The following MYPN variants were observed in gnomAD, a reference collection of about 807,000 sequenced individuals.
MYPN encodes myopalladin.
MYPN carries 63 observed loss-of-function variants against 129.4 expected under a neutral mutation model. That is an observed-to-expected ratio of 0.49 (90% CI 0.40 to 0.60). The LOEUF (loss-of-function observed/expected upper bound fraction) is 0.60. Among genes scored for constraint, MYPN ranks in the 20% least tolerant of loss-of-function variants. The pLI, the probability that MYPN is intolerant of heterozygous loss-of-function variation, is 0.00. For synonymous variants in MYPN, 629 were observed against 600.9 expected, an observed-to-expected ratio of 1.05 and a Z score of -0.68; for missense variants, 1,596 against 1,635.4, an observed-to-expected ratio of 0.98 and a Z score of 0.42.
chr10:68,114,170 C>T (rs997008711), intron 1 of MYPN: 19 of 151,926 alleles, frequency 1.3e-4, no homozygotes, highest in African/African-American at 4.6e-4. Flanking sequence ...TGGTCAATGC[C>T]CCAGCTTAAA....
At chr10:68,153,102 C>G (rs935549151) in intron 6 of MYPN, among the ~76,000 whole-genome samples, 1 of 151,290 alleles carries the variant, frequency 6.6e-6, no homozygotes, top group African/African-American at 2.5e-5. Context: ...TCTCATGTCT[C>G]AGCCTCCCAA....
chr10:68,204,619 G>A lies in MYPN; in HGVS notation c.3660-2151G>A, dbSNP rs554807315. Among the ~76,000 whole-genome samples, 146 of 151,550 alleles carry A rather than the reference G, an allele frequency of 9.6e-4. 1 individual carries two copies. Among genetic ancestry groups the A allele is most frequent in the Admixed American group, 2.0e-3 (30 of 15,196 alleles). ...TGTAATCCCAGCTACTTGGGAGGCTGAGGCAGGAGAATCACTTGAACCTGG... is the reference window on the plus strand; with the variant it reads ...TGTAATCCCAGCTACTTGGGAGGCTAAGGCAGGAGAATCACTTGAACCTGG... On this transcript the variant is annotated intron_variant, in intron 18 of 19. Coordinates refer to ENST00000358913, the MANE Select transcript of MYPN (RefSeq NM_032578.4).
intron 2 of MYPN, among the ~76,000 whole-genome samples, chr10:68,138,192 T>C (rs2042517776): frequency 6.6e-6 from 1 of 151,288 alleles, no homozygotes; most frequent in Non-Finnish European, 1.5e-5. Context: ...AACCTCTGCC[T>C]CCTGGGTTCA....
intron 1 of MYPN, among the ~76,000 whole-genome samples, chr10:68,099,653 T>G (rs949958519): frequency 6.0e-5 from 9 of 150,346 alleles, no homozygotes; most frequent in Middle Eastern, 3.5e-3. Context: ...AAAAAAAAAG[T>G]AACTAATAAT....
At chr10:68,132,302 T>A (rs1020283439) in intron 2 of MYPN, among the ~76,000 whole-genome samples, 3 of 152,240 alleles carry the variant, frequency 2.0e-5, no homozygotes, top group Admixed American at 6.5e-5. Context: ...ATTGATTTTA[T>A]AATGTTAAAC....
Position 68,121,911 on chromosome 10 carries a change from T to C in MYPN, c.473T>C (p.Ile158Thr), listed in dbSNP as rs181446671. Residue 158 changes from isoleucine to threonine, a missense_variant, in exon 2 of 20, where the codon ATT becomes ACT. By Grantham distance (89) the Ile-to-Thr change is moderately conservative. Transcript: ENST00000358913. ...KVFLNKAADFIEELSSLFKSH... is the reference protein window; with the variant it reads ...KVFLNKAADFTEELSSLFKSH... ...TTTTTAAATAAGGCTGCCGACTTCA[T>C]TGAAGAGCTATCCTCCCTTTTCAAA... 2 of 1,614,212 alleles carry C rather than the reference T, an allele frequency of 1.2e-6. No homozygotes were observed. Among genetic ancestry groups the C allele is most frequent in the Admixed American group, 1.7e-5 (1 of 60,032 alleles).
intron 4 of MYPN, among the ~76,000 whole-genome samples, chr10:68,147,668 G>A (rs141330856): frequency 2.4e-4 from 36 of 152,208 alleles, no homozygotes; most frequent in African/African-American, 4.6e-4. Flanking sequence ...ACTGGGAGCC[G>A]TTTACCGAGA....
At chr10:68,145,111 G>A (rs977688681) in intron 3 of MYPN, among the ~76,000 whole-genome samples, 4 of 150,894 alleles carry the variant, frequency 2.7e-5, no homozygotes, top group South Asian at 2.1e-4. Context: ...AGCAACCTCC[G>A]CCTCCCGGGT....
intron 11 of MYPN, 135 bp downstream of exon 11, chr10:68,174,791 G>C (rs1331779468): frequency 1.2e-6 from 1 of 810,602 alleles, no homozygotes; most frequent in Admixed American, 2.0e-5. Flanking sequence ...CAGAATGGAT[G>C]TGGAACACTT....
intron 5 of MYPN, among the ~76,000 whole-genome samples, chr10:68,149,546 G>A (rs978152017): frequency 2.0e-5 from 3 of 151,898 alleles, no homozygotes; most frequent in South Asian, 2.1e-4. Flanking sequence ...CCATCCTCCC[G>A]CCTCAGCCTC....
intron 8 of MYPN, 75 bp from the exon 9 acceptor site, chr10:68,165,627 C>A: frequency 9.3e-7 from 1 of 1,073,222 alleles, no homozygotes; most frequent in Non-Finnish European, 1.5e-6. Flanking sequence ...GTAGAATCAT[C>A]ATCTGATACC....
At chr10:68,187,717 A>T (rs201293512) in intron 12 of MYPN, among the ~76,000 whole-genome samples, 1 of 152,200 alleles carries the variant, frequency 6.6e-6, no homozygotes, top group East Asian at 1.9e-4. Context: ...ATCAGCAGAA[A>T]GTATCTGAAG....
At position 68,211,041 on chromosome 10, in the gene MYPN, A is replaced by C. The variant is rs901223465; in HGVS notation, c.*586A>C. 2.2e-6 allele frequency: 1 copy of C among 454,092 alleles called. No individual in the cohort carries two copies. Among genetic ancestry groups the C allele is most frequent in the South Asian group, 1.6e-5 (1 of 64,478 alleles). The allele number at this position is 454,092 out of a possible 1,614,324, so 28.1% of individuals were successfully genotyped here. On this transcript the variant is annotated 3_prime_UTR_variant, in exon 20 of 20. Transcript: ENST00000358913. ...ATATCCTGGGTGTACTGAGCCACAT[A>C]ATAAGGTGTCAAAATGTGCTTGAGA...
intron 2 of MYPN, among the ~76,000 whole-genome samples, chr10:68,133,215 G>A (rs553357347): frequency 2.6e-5 from 4 of 151,848 alleles, no homozygotes; most frequent in Non-Finnish European, 4.4e-5. Context: ...TAGTAGAGAC[G>A]GGTTCTGCCA....
rs576258838 is a variant in MYPN, at chr10:68,141,073, A to C, written c.903-1867A>C. Among the ~76,000 whole-genome samples the C allele has an allele frequency of 1.3e-3, 202 of 150,770 alleles. 4 individuals are homozygous for C. The highest frequency in any genetic ancestry group is 9.1e-3 in the Admixed American group (138 of 15,160). On this transcript the variant is annotated intron_variant, in intron 2 of 19. Coordinates refer to ENST00000358913, the MANE Select transcript of MYPN (RefSeq NM_032578.4). Reference sequence around the variant, plus strand: ...AACAGAGTGAGACCCTTCCTCCACCACCCCCCCAAAAAAAGGGCCAGGCGC... The same window carrying C: ...AACAGAGTGAGACCCTTCCTCCACCCCCCCCCCAAAAAAAGGGCCAGGCGC...
chr10:68,176,412 AC>A (rs1283820437), intron 12 of MYPN, among the ~76,000 whole-genome samples: 1 of 152,238 alleles, frequency 6.6e-6, no homozygotes, highest in East Asian at 1.9e-4. Flanking sequence ...TAAAAATATT[AC>A]AAAATTTCAG....
intron 18 of MYPN, among the ~76,000 whole-genome samples, chr10:68,205,504 C>G (rs988709638): frequency 6.6e-5 from 9 of 135,410 alleles, no homozygotes; most frequent in African/African-American, 1.9e-4. Flanking sequence ...CACAGTGAAA[C>G]CCTATTTCTA....
chr10:68,093,971 A>G (rs912880004), intron 1 of MYPN, among the ~76,000 whole-genome samples: 20 of 151,926 alleles, frequency 1.3e-4, no homozygotes, highest in African/African-American at 4.6e-4. Flanking sequence ...TGTCATTGCC[A>G]TGGCATTTGT....
At chr10:68,125,712 A>G (rs947875562) in intron 2 of MYPN, among the ~76,000 whole-genome samples, 1 of 152,224 alleles carries the variant, frequency 6.6e-6, no homozygotes, top group Non-Finnish European at 1.5e-5. Context: ...GTCTTCAGAG[A>G]TGTAGGAGGA....
Sources: allele counts gnomAD v4.1 joint callset (sites outside exome capture counted in the v4.1 genomes callset), GRCh38; gene constraint gnomAD v4.1.1; transcripts MANE v1.5; gene names NCBI Gene and HGNC (gene_info 2026-07-23, HGNC 2026-07-21).